Variants in NOXRED1 observed in about 807,000 individuals in gnomAD.
NOXRED1 encodes the protein NADP dependent oxidoreductase domain containing 1.
Under a neutral mutation model 30.4 loss-of-function variants are expected in NOXRED1, and 20 were observed. The ratio of observed to expected loss-of-function variants is 0.66; its 90% CI spans 0.46 to 0.96. The LOEUF (loss-of-function observed/expected upper bound fraction) is 0.96, where lower values mean the gene tolerates loss of function less well. Ranked by LOEUF, NOXRED1 falls within the 40% of genes least tolerant of loss-of-function variation. The pLI, the probability that NOXRED1 is intolerant of heterozygous loss-of-function variation, is 0.00. For missense variants in NOXRED1, 374 were observed against 428.0 expected (o/e 0.87, Z 1.11); for synonymous variants, 155 against 168.0 (o/e 0.92, Z 0.60).
chr14:77,422,628 C>A (rs1895024564), intron 1 of NOXRED1, 107 bp downstream of exon 1: 1 of 1,092,408 alleles, frequency 9.2e-7, no homozygotes, highest in Non-Finnish European at 1.4e-6. Context: ...GATAGGATGA[C>A]AATCCACCAG....
At chr14:77,417,416 A>C (rs1479688742) in intron 1 of NOXRED1, among the ~76,000 whole-genome samples, 1 of 152,228 alleles carries the variant, frequency 6.6e-6, no homozygotes, top group Non-Finnish European at 1.5e-5. Flanking sequence ...ATAATTGTAT[A>C]CCTTCAGTTA....
At chr14:77,421,742 G>A (rs914942550) in intron 1 of NOXRED1, among the ~76,000 whole-genome samples, 4 of 152,140 alleles carry the variant, frequency 2.6e-5, no homozygotes, top group South Asian at 2.1e-4. Context: ...GTATACTTTC[G>A]TTGCTATATG....
chr14:77,405,724 G>A (rs1187771188), intron 5 of NOXRED1, among the ~76,000 whole-genome samples, 189 bp downstream of exon 5: 2 of 152,138 alleles, frequency 1.3e-5, no homozygotes, highest in Non-Finnish European at 2.9e-5. Context: ...ACTGTTAGAG[G>A]TGAAATCTAT....
At chr14:77,404,299 C>T (rs1256482304) in intron 5 of NOXRED1, among the ~76,000 whole-genome samples, 3 of 152,200 alleles carry the variant, frequency 2.0e-5, no homozygotes, top group African/African-American at 7.2e-5. Flanking sequence ...GAATCACAGG[C>T]ATAGAGAATA....
At chr14:77,421,193 A>G (rs766188574) in intron 1 of NOXRED1, among the ~76,000 whole-genome samples, 10 of 152,232 alleles carry the variant, frequency 6.6e-5, no homozygotes, top group Non-Finnish European at 1.0e-4. Flanking sequence ...GGGATATCTT[A>G]GGTGAACTGC....
chr14:77,405,930 C>A lies in NOXRED1; in HGVS notation c.888G>T (p.Lys296Asn), dbSNP rs886632656. ...GCCCTTACCTTTCCTGAGACAAATT[C>A]TTGCCATAGGCTTTGCTGACAAAAT... ...LTDFVSKAYG[K>N]NLSQERPFPW... Residue 296 changes from lysine to asparagine, a missense_variant, in exon 5 of 6, where the codon AAG (lysine) becomes AAT (asparagine). Transcript: ENST00000380835. 18 of 1,611,200 alleles carry A rather than the reference C, an allele frequency of 1.1e-5. No individual in the cohort carries two copies. The highest frequency in any genetic ancestry group is 5.0e-5 in the Admixed American group (3 of 59,992).
At chr14:77,397,647 G>A (rs1894223505) in intron 5 of NOXRED1, among the ~76,000 whole-genome samples, 1 of 152,108 alleles carries the variant, frequency 6.6e-6, no homozygotes, top group Non-Finnish European at 1.5e-5. Context: ...AGCACTTTGG[G>A]AGGCCAAGGC....
chr14:77,411,483 A>C (rs1158075103), intron 2 of NOXRED1, among the ~76,000 whole-genome samples: 4 of 133,908 alleles, frequency 3.0e-5, no homozygotes, highest in East Asian at 3.9e-4. Flanking sequence ...AAAAAAAAAA[A>C]AAAAAAAACT....
intron 3 of NOXRED1, 99 bp from the exon 4 acceptor site, chr14:77,406,974 C>T (rs574102061): frequency 1.9e-6 from 2 of 1,042,352 alleles, no homozygotes; most frequent in South Asian, 1.5e-5. Context: ...CAGACTCCCC[C>T]ACACAGCTCA....
intron 1 of NOXRED1, among the ~76,000 whole-genome samples, chr14:77,415,627 TAGATAGACAGAC>T (rs1446059999): frequency 2.9e-5 from 4 of 135,822 alleles, no homozygotes; most frequent in African/African-American, 1.1e-4. Flanking sequence ...GATAGATAGA[TAGATAGACAGAC>T]AGACAGACAT....
intron 1 of NOXRED1, among the ~76,000 whole-genome samples, chr14:77,418,497 TTTA>T (rs1894894735): frequency 6.6e-6 from 1 of 151,272 alleles, no homozygotes; most frequent in South Asian, 2.1e-4. Flanking sequence ...TTTTATACAT[TTTA>T]TTATTTCTAT....
intron 1 of NOXRED1, 57 bp from the exon 2 acceptor site, chr14:77,414,184 T>A: frequency 3.4e-5 from 5 of 145,158 alleles, no homozygotes; most frequent in Non-Finnish European, 4.6e-5. Context: ...AGTTTTTCTT[T>A]TTTTTTTTTT....
At chr14:77,394,827 T>C in intron 5 of NOXRED1, 22 bp from the exon 6 acceptor site, 9 of 1,583,096 alleles carry the variant, frequency 5.7e-6, no homozygotes, top group Non-Finnish European at 7.8e-6. Flanking sequence ...AAAATATTGT[T>C]ACTTTTTTAT....
intron 5 of NOXRED1, among the ~76,000 whole-genome samples, chr14:77,399,836 A>G (rs879375201): frequency 1.3e-5 from 2 of 152,238 alleles, no homozygotes; most frequent in Non-Finnish European, 2.9e-5. Context: ...TTTCCCCCAA[A>G]TTAATGTCAG....
At chr14:77,416,956 G>C (rs929972196) in intron 1 of NOXRED1, among the ~76,000 whole-genome samples, 1 of 152,206 alleles carries the variant, frequency 6.6e-6, no homozygotes, top group African/African-American at 2.4e-5. Flanking sequence ...TTTGCTCATA[G>C]TACTGCTTTT....
Position 77,407,489 on chromosome 14 carries a change from A to C in NOXRED1, c.506T>G (p.Phe169Cys). ...CCTGGGTAGTGGGATGGCAGCTACA[A>C]AGCTGTACACAATGCTGGCCTTCTC... ...SLEKASIVYSFVAAIPLPRLK... is the reference protein window; with the variant it reads ...SLEKASIVYSCVAAIPLPRLK... The change falls in exon 3 of 6, where the codon TTT becomes TGT. Residue 169 changes from phenylalanine to cysteine, a missense_variant. Coordinates refer to ENST00000380835, the MANE Select transcript of NOXRED1 (RefSeq NM_001113475.3). 6.2e-7 allele frequency: 1 copy of C among 1,614,022 alleles called. No individual in the cohort carries two copies. The highest frequency in any genetic ancestry group is 8.5e-7 in the Non-Finnish European group (1 of 1,179,892).
upstream of NOXRED1, among the ~76,000 whole-genome samples, chr14:77,424,173 T>C (rs1852880633): frequency 6.6e-6 from 1 of 152,222 alleles, no homozygotes; most frequent in South Asian, 2.1e-4. Context: ...AGTCTCACCC[T>C]GGCGTGGTGG....
intron 5 of NOXRED1, among the ~76,000 whole-genome samples, chr14:77,402,184 T>A (rs527332628): frequency 1.3e-5 from 2 of 151,724 alleles, no homozygotes; most frequent in South Asian, 4.1e-4. Flanking sequence ...GTGGACATAA[T>A]TAAAGAATTT....
intron 5 of NOXRED1, among the ~76,000 whole-genome samples, chr14:77,399,643 G>C (rs751827845): frequency 3.5e-4 from 54 of 152,200 alleles, no homozygotes; most frequent in Admixed American, 8.5e-4. Context: ...AATAATCTCT[G>C]AATCTGAGGA....
Sources: gnomAD v4.1 joint callset for allele counts (sites outside exome capture counted in the v4.1 genomes callset) on GRCh38, gnomAD v4.1.1 for gene constraint, MANE v1.5 for transcripts, NCBI Gene and HGNC (gene_info 2026-07-23, HGNC 2026-07-21) for gene names.